MAP2K3: variants seen among roughly 807,000 people sequenced by gnomAD.
MAP2K3 encodes the protein dual specificity mitogen-activated protein kinase kinase 3.
In MAP2K3, 30 loss-of-function variants were observed where a neutral mutation model predicts 46.4. The ratio of observed to expected loss-of-function variants is 0.65; its 90% confidence interval spans 0.48 to 0.88. The LOEUF (loss-of-function observed/expected upper bound fraction) is 0.88. MAP2K3 is among the 40% of genes least tolerant of loss of function. MAP2K3 has a pLI of 0.00. For missense variants in MAP2K3, 380 were observed against 464.5 expected (o/e 0.82, Z 1.67); for synonymous variants, 189 against 176.3 (o/e 1.07, Z -0.57).
intron 1 of MAP2K3, among the ~76,000 whole-genome samples, chr17:21,296,985 G>C (rs1407653956): frequency 1.3e-5 from 2 of 152,308 alleles, no homozygotes; most frequent in African/African-American, 4.8e-5. Flanking sequence ...CGGGGTCCCC[G>C]GGGTGGCTTT....
chr17:21,298,403 TC>T lies in MAP2K3; in HGVS notation c.50-8del, dbSNP rs1484232946. 3.7e-6 allele frequency: 6 copies of T among 1,614,196 alleles called. No individual in the cohort carries two copies. Among genetic ancestry groups the T allele is most frequent in the Non-Finnish European group, 5.1e-6 (6 of 1,180,066 alleles). On this transcript the variant is annotated splice_polypyrimidine_tract_variant and intron_variant, in intron 1 of 11. Coordinates refer to ENST00000342679, the MANE Select transcript of MAP2K3 (RefSeq NM_145109.3). The stretch of plus-strand genomic sequence containing the variant: ...GATAGGCCAGACGCCTCACCTTCTC[TC>T]CATTCTAGGAAAATCCAAGAGGAAG...
Position 21,303,435 on chromosome 17 carries a change from G to A in MAP2K3, c.568+201G>A, listed in dbSNP as rs1043595108. Among the ~76,000 whole-genome samples the A allele has an allele frequency of 6.6e-5, 10 of 152,426 alleles. No individual in the cohort carries two copies. The South Asian group carries it at 2.1e-3, about 32-fold the overall frequency. ...TTGCTGGTGCTCGAAGCAAGGACTG[G>A]CTTGACTTCTGTCCTGAGAAAGGTG... is the stretch of plus-strand genomic sequence containing the variant. On this transcript the variant is annotated intron_variant, in intron 7 of 11. Transcript: ENST00000342679.
At chr17:21,312,918 C>CAAAA (rs113429381) in intron 10 of MAP2K3, among the ~76,000 whole-genome samples, 1,277 of 119,804 alleles carry the variant, frequency 0.011, 18 homozygotes, top group South Asian at 0.031. Flanking sequence ...GAGACTGTCT[C>CAAAA]AAAAAAAAAA....
intron 1 of MAP2K3, among the ~76,000 whole-genome samples, chr17:21,297,604 C>T (rs766840207): frequency 1.3e-5 from 2 of 152,306 alleles, no homozygotes; most frequent in Non-Finnish European, 2.9e-5. Context: ...CTACAGGGAG[C>T]TCTCTCTGCA....
intron 9 of MAP2K3, among the ~76,000 whole-genome samples, chr17:21,311,243 G>C (rs538897106): frequency 1.2e-3 from 182 of 152,312 alleles, no homozygotes; most frequent in African/African-American, 4.1e-3. Context: ...CCGGCAGTGA[G>C]GGCCCTTGTG....
chr17:21,302,285 G>C (rs778429109), intron 6 of MAP2K3, 26 bp downstream of exon 6: 1 of 1,599,548 alleles, frequency 6.3e-7, no homozygotes. Context: ...GGGCTGGCGG[G>C]GGGTCCTAGG....
At chr17:21,311,191 T>C (rs1358379826) in intron 9 of MAP2K3, among the ~76,000 whole-genome samples, 4 of 152,072 alleles carry the variant, frequency 2.6e-5, no homozygotes, top group Admixed American at 2.0e-4. Context: ...CAGTGCCAAG[T>C]GTTTGTGCTG....
intron 1 of MAP2K3, among the ~76,000 whole-genome samples, chr17:21,293,337 C>A (rs796917577): frequency 6.6e-6 from 1 of 152,310 alleles, no homozygotes; most frequent in African/African-American, 2.4e-5. Flanking sequence ...CAGCGAGGCC[C>A]GTGCCTCTGG....
At chr17:21,312,366 C>G in intron 10 of MAP2K3, 85 bp downstream of exon 10, 1 of 1,392,066 alleles carries the variant, frequency 7.2e-7, no homozygotes, top group East Asian at 3.0e-5. Context: ...TCCTTTATTC[C>G]TTTGGCAAAT....
intron 3 of MAP2K3, 186 bp from the exon 4 acceptor site, chr17:21,300,359 C>T (rs1351142814): frequency 2.0e-5 from 13 of 639,226 alleles, no homozygotes; most frequent in Non-Finnish European, 3.6e-5. Context: ...TTATAGAGGG[C>T]ATCGTGAGGC....
intron 1 of MAP2K3, among the ~76,000 whole-genome samples, chr17:21,292,389 A>ATTTTTT (rs11460376): frequency 2.6e-5 from 4 of 151,580 alleles, no homozygotes; most frequent in East Asian, 3.8e-4. Flanking sequence ...TCTTCTTCTC[A>ATTTTTT]TTTTTTTTTT....
chr17:21,307,881 A>T (rs1976974862), intron 9 of MAP2K3, among the ~76,000 whole-genome samples: 1 of 117,702 alleles, frequency 8.5e-6, no homozygotes, highest in Non-Finnish European at 1.6e-5. Flanking sequence ...TTTGAGACGG[A>T]GTTGCACTCT....
chr17:21,295,685 G>T, intron 1 of MAP2K3: 1 of 1,289,506 alleles, frequency 7.8e-7, no homozygotes, highest in Non-Finnish European at 1.0e-6. Flanking sequence ...GCCGGTGGAT[G>T]CAGAGGCCAG....
At chr17:21,297,423 CA>C (rs1165809527) in intron 1 of MAP2K3, among the ~76,000 whole-genome samples, 1 of 152,310 alleles carries the variant, frequency 6.6e-6, no homozygotes, top group Admixed American at 6.5e-5. Context: ...GAAGCTCCCA[CA>C]AGGGCAGGCA....
At chr17:21,310,667 G>A (rs867590278) in intron 9 of MAP2K3, among the ~76,000 whole-genome samples, 1 of 152,266 alleles carries the variant, frequency 6.6e-6, no homozygotes, top group African/African-American at 2.4e-5. Context: ...TGCTGACTGG[G>A]TGCTGGCCTG....
intron 1 of MAP2K3, among the ~76,000 whole-genome samples, chr17:21,292,979 C>T (rs1430390744): frequency 1.5e-4 from 23 of 152,302 alleles, no homozygotes; most frequent in Admixed American, 1.4e-3. Context: ...TAGTACCTGC[C>T]TCAAGGGGTT....
Position 21,284,756 on chromosome 17 carries a change from T to C in MAP2K3, c.-165T>C. ...CGTCGCGGACTCGTCCTTGCTGCAG[T>C]CGCCGCCGCAGTCCTCGCCGCAGTC... On this transcript the variant is annotated 5_prime_UTR_variant, in exon 1 of 12. Transcript: ENST00000342679. 1 of 660,586 alleles carries C rather than the reference T, an allele frequency of 1.5e-6. No individual in the cohort carries two copies. Among genetic ancestry groups the C allele is most frequent in the Non-Finnish European group, 2.4e-6 (1 of 423,640 alleles). 40.9% of individuals were successfully genotyped at this position (660,586 alleles called of 1,614,324 possible).
At chr17:21,303,092 G>A in intron 6 of MAP2K3, 91 bp from the exon 7 acceptor site, 3 of 1,539,976 alleles carry the variant, frequency 1.9e-6, no homozygotes, top group Non-Finnish European at 2.7e-6. Context: ...GAGACAGGTG[G>A]ACATGGATGG....
At chr17:21,301,410 G>C (rs984071740) in intron 5 of MAP2K3, among the ~76,000 whole-genome samples, 1 of 152,312 alleles carries the variant, frequency 6.6e-6, no homozygotes, top group Non-Finnish European at 1.5e-5. Flanking sequence ...GGTGTGTGCT[G>C]AGAGAGTGAC....
Sources: gnomAD v4.1 joint callset for allele counts (sites outside exome capture counted in the v4.1 genomes callset) on GRCh38, gnomAD v4.1.1 for gene constraint, MANE v1.5 for transcripts, NCBI Gene and HGNC (gene_info 2026-07-23, HGNC 2026-07-21) for gene names.